The following GPRC6A variants were observed in gnomAD, a reference collection of about 807,000 sequenced individuals.
GPRC6A encodes the protein G protein-coupled receptor family C group 6 member A.
In GPRC6A, 54 loss-of-function variants were observed where a neutral mutation model predicts 47.0. The ratio of observed to expected loss-of-function variants is 1.15; its 90% CI spans 0.92 to 1.44. The LOEUF is 1.44. Among genes scored for constraint, GPRC6A ranks in the 40% most tolerant of loss-of-function variants. GPRC6A has a pLI of 0.00. For synonymous variants in GPRC6A, 347 were observed against 377.1 expected, an observed-to-expected ratio of 0.92 and a Z score of 0.93; for missense variants, 1,112 against 1,105.5, an observed-to-expected ratio of 1.01 and a Z score of -0.08.
At position 116,806,911 on chromosome 6, in the gene GPRC6A, AT is replaced by A. The variant is rs1772863401; in HGVS notation, c.793del (p.Ile265SerfsTer3). 1 of 1,613,536 alleles carries A rather than the reference AT, an allele frequency of 6.2e-7. No homozygotes were observed. Among genetic ancestry groups the A allele is most frequent in the Non-Finnish European group, 8.5e-7 (1 of 1,179,792 alleles). On this transcript the variant is annotated frameshift_variant, in exon 3 of 6. Transcript: ENST00000310357. LOFTEE classifies it high-confidence loss of function. ...GACATTAACCTGGGCTTCTAAAATG[AT>A]TTTCTTCAGTGTCCGATTGATTCTG... ...EVRINRTLKK[I>X]ILEAQVNVIV...
intron 1 of GPRC6A, among the ~76,000 whole-genome samples, chr6:116,821,954 C>A (rs1367110658): frequency 6.7e-6 from 1 of 148,432 alleles, no homozygotes; most frequent in Admixed American, 6.7e-5. Flanking sequence ...TTTTCACAAC[C>A]TACTCATCTG....
chr6:116,818,553 A>C (rs1221867203), intron 1 of GPRC6A, among the ~76,000 whole-genome samples: 7 of 132,784 alleles, frequency 5.3e-5, no homozygotes, highest in Non-Finnish European at 8.2e-5. Context: ...AAAAAAAAAA[A>C]AAAAAAAAAA....
chr6:116,826,994 A>G (rs912858431), intron 1 of GPRC6A, among the ~76,000 whole-genome samples: 2 of 151,904 alleles, frequency 1.3e-5, no homozygotes, highest in Admixed American at 6.6e-5. Context: ...GGGAGCTAAA[A>G]TCATTGATAT....
intron 4 of GPRC6A, among the ~76,000 whole-genome samples, chr6:116,796,973 G>A (rs752391634): frequency 6.6e-5 from 10 of 152,050 alleles, no homozygotes; most frequent in Non-Finnish European, 1.0e-4. Context: ...ATGCTGGTGC[G>A]CTGCACCCAC....
chr6:116,820,877 G>T lies in GPRC6A; in HGVS notation c.194+7943C>A, dbSNP rs909882197. Among the ~76,000 whole-genome samples the T allele has an allele frequency of 2.6e-3, 400 of 151,700 alleles. 3 individuals are homozygous for T. The highest frequency in any genetic ancestry group is 9.1e-3 in the African/African-American group (377 of 41,378). ...TGGCCAGGGCAATTAGGCAGGAGAA[G>T]GAAATAAAGGGTATTCAATTAGGAA... On this transcript the variant is annotated intron_variant, in intron 1 of 5. Transcript: ENST00000310357.
intron 1 of GPRC6A, among the ~76,000 whole-genome samples, chr6:116,822,662 G>A (rs1372930471): frequency 1.4e-5 from 2 of 145,668 alleles, no homozygotes; most frequent in African/African-American, 5.1e-5. Flanking sequence ...ATTGAACAAT[G>A]AGATCACATG....
chr6:116,823,334 T>C (rs533229056), intron 1 of GPRC6A, among the ~76,000 whole-genome samples: 7 of 152,262 alleles, frequency 4.6e-5, no homozygotes, highest in South Asian at 4.1e-4. Flanking sequence ...CACAGATCCC[T>C]GGGCAGGGGC....
intron 1 of GPRC6A, among the ~76,000 whole-genome samples, chr6:116,811,970 G>C (rs1773039079): frequency 6.6e-6 from 1 of 152,046 alleles, no homozygotes; most frequent in Admixed American, 6.5e-5. Flanking sequence ...CAAAATAATA[G>C]ATAAAAACTT....
intron 1 of GPRC6A, 66 bp downstream of exon 1, chr6:116,828,754 A>T: frequency 7.7e-7 from 1 of 1,295,122 alleles, no homozygotes; most frequent in South Asian, 1.6e-5. Context: ...ATACAAGTTA[A>T]CAGTTTATAT....
chr6:116,797,615 A>G (rs1772531911), intron 4 of GPRC6A, among the ~76,000 whole-genome samples: 1 of 152,192 alleles, frequency 6.6e-6, no homozygotes, highest in African/African-American at 2.4e-5. Context: ...TTAGTCACTA[A>G]GAGCCTCACA....
chr6:116,825,359 C>T (rs1163645166), intron 1 of GPRC6A, among the ~76,000 whole-genome samples: 1 of 152,020 alleles, frequency 6.6e-6, no homozygotes, highest in African/African-American at 2.4e-5. Context: ...CAAAAATCCT[C>T]TTAGAGCTTA....
At chr6:116,818,821 A>C (rs191147230) in intron 1 of GPRC6A, among the ~76,000 whole-genome samples, 15 of 152,086 alleles carry the variant, frequency 9.9e-5, no homozygotes, top group Admixed American at 7.2e-4. Flanking sequence ...ATAACCAGCT[A>C]TCATTATAAT....
intron 1 of GPRC6A, among the ~76,000 whole-genome samples, chr6:116,813,055 T>A (rs893346797): frequency 2.0e-5 from 3 of 152,148 alleles, no homozygotes; most frequent in African/African-American, 7.2e-5. Context: ...TTACAAGGGA[T>A]GTGAAGGACC....
At chr6:116,813,852 C>T (rs922216483) in intron 1 of GPRC6A, among the ~76,000 whole-genome samples, 1 of 152,196 alleles carries the variant, frequency 6.6e-6, no homozygotes, top group African/African-American at 2.4e-5. Flanking sequence ...TTATTGCAAT[C>T]TACCCACCTG....
intron 1 of GPRC6A, among the ~76,000 whole-genome samples, chr6:116,814,059 A>T (rs1773122202): frequency 6.6e-6 from 1 of 152,192 alleles, no homozygotes; most frequent in Admixed American, 6.5e-5. Flanking sequence ...GTGAGATACC[A>T]TCTCACACCA....
chr6:116,817,239 G>A (rs1264987030), intron 1 of GPRC6A, among the ~76,000 whole-genome samples: 3 of 152,098 alleles, frequency 2.0e-5, no homozygotes, highest in East Asian at 1.9e-4. Context: ...CCTGACCCCC[G>A]AGCAGCCTAA....
At chr6:116,819,924 G>T (rs1026823117) in intron 1 of GPRC6A, among the ~76,000 whole-genome samples, 1 of 149,456 alleles carries the variant, frequency 6.7e-6, no homozygotes, top group African/African-American at 2.5e-5. Flanking sequence ...CCAGGAGCTG[G>T]TTTTTTGAAA....
At chr6:116,798,740 G>A (rs186513467) in intron 4 of GPRC6A, among the ~76,000 whole-genome samples, 12 of 151,932 alleles carry the variant, frequency 7.9e-5, no homozygotes, top group East Asian at 3.9e-4. Context: ...AAAATTAGCC[G>A]GGCATGGTGG....
chr6:116,793,313 C>G (rs1181942873), intron 5 of GPRC6A, 63 bp from the exon 6 acceptor site: 1 of 1,150,852 alleles, frequency 8.7e-7, no homozygotes, highest in Non-Finnish European at 1.2e-6. Context: ...GTCCACAATA[C>G]TACAAATGAG....
Sources: gnomAD v4.1 joint callset for allele counts (sites outside exome capture counted in the v4.1 genomes callset) on GRCh38, gnomAD v4.1.1 for gene constraint, MANE v1.5 for transcripts, NCBI Gene and HGNC (gene_info 2026-07-23, HGNC 2026-07-21) for gene names.